Variants in FBN2 observed in about 807,000 individuals in gnomAD.
FBN2 encodes the protein fibrillin-2.
A neutral mutation model predicts 355.6 loss-of-function variants in FBN2; 105 were observed. The ratio of observed to expected loss-of-function variants is 0.30; its 90% CI spans 0.25 to 0.35. FBN2 has a LOEUF of 0.35. Ranked by LOEUF, FBN2 falls within the 10% of genes least tolerant of loss-of-function variation. The probability of loss-of-function intolerance (pLI) is 1.00; values close to 1 mark genes in which losing one functional copy is unlikely to be tolerated. For missense variants in FBN2, 3,280 were observed against 3,758.7 expected, an observed-to-expected ratio of 0.87 and a Z score of 3.33; for synonymous variants, 1,350 against 1,301.2, an observed-to-expected ratio of 1.04 and a Z score of -0.81.
chr5:128,310,218 C>G (rs1749995975), intron 39 of FBN2, 110 bp from the exon 40 acceptor site: 1 of 930,924 alleles, frequency 1.1e-6, no homozygotes, highest in Non-Finnish European at 1.7e-6. Context: ...CCCATTTATG[C>G]AAAACTTAGA....
chr5:128,379,214 A>G (rs555217752), intron 11 of FBN2, among the ~76,000 whole-genome samples: 1 of 152,266 alleles, frequency 6.6e-6, no homozygotes, highest in African/African-American at 2.4e-5. Flanking sequence ...TATTGCTTAC[A>G]CCAATGTGGG....
At position 128,336,624 on chromosome 5, in the gene FBN2, G is replaced by GGC. The variant is rs1750850493; in HGVS notation, c.3599-513_3599-512dup. On this transcript the variant is annotated intron_variant, in intron 27 of 64. Transcript: ENST00000262464. ...AAGACTGATGGTTCCACAAGACAGAGGCATGACAATAGGGCCCTCATGTAT... is the reference window on the plus strand; with the variant it reads ...AAGACTGATGGTTCCACAAGACAGAGGCGCATGACAATAGGGCCCTCATGTAT... Among the ~76,000 whole-genome samples the GGC allele has an allele frequency of 5.3e-5, 8 of 152,312 alleles. No homozygotes were observed. In the South Asian group the frequency reaches 1.7e-3, roughly 32 times the overall value.
rs1400177314 is a variant in FBN2, at chr5:128,333,063, A to G, written c.4100-29T>C. On this transcript the variant is annotated intron_variant, in intron 31 of 64. Transcript: ENST00000262464. ...ATAAACCATAATTCATAAGAAGAAA[A>G]TCAAAATACAAACTAATTAATTCTA... is the stretch of plus-strand genomic sequence containing the variant. 11 of 1,592,508 alleles carry G rather than the reference A, an allele frequency of 6.9e-6. No homozygotes were observed. The East Asian group carries it at 2.5e-4, about 36-fold the overall frequency.
At chr5:128,316,165 G>T (rs116481100) in intron 36 of FBN2, among the ~76,000 whole-genome samples, 1,963 of 152,204 alleles carry the variant, frequency 0.013, 43 homozygotes, top group African/African-American at 0.045. Context: ...GCAATCCTTA[G>T]GACAATATAA....
intron 56 of FBN2, 57 bp from the exon 57 acceptor site, chr5:128,278,898 G>A: frequency 7.1e-7 from 1 of 1,404,138 alleles, no homozygotes. Flanking sequence ...CATTATCCTG[G>A]CTTTCAAATT....
intron 23 of FBN2, 104 bp from the exon 24 acceptor site, chr5:128,345,688 C>G: frequency 9.7e-7 from 1 of 1,036,236 alleles, no homozygotes; most frequent in Non-Finnish European, 1.5e-6. Flanking sequence ...AGGACCCTTG[C>G]GGTGTACTGG....
intron 36 of FBN2, among the ~76,000 whole-genome samples, chr5:128,314,042 C>T (rs879500815): frequency 4.0e-5 from 6 of 151,868 alleles, no homozygotes; most frequent in Non-Finnish European, 7.4e-5. Flanking sequence ...CTATGGTCTA[C>T]TTTACCTTCT....
rs426987 is a variant in FBN2, at chr5:128,278,099, C to G, written c.7346-94G>C. ...AAGAGAAATGAAGAAATGGAGATGA[C>G]ATAACTAACTGCAAACATTCCTAAT... On this transcript the variant is annotated intron_variant, in intron 57 of 64. Coordinates refer to ENST00000262464, the MANE Select transcript of FBN2 (RefSeq NM_001999.4). The G allele has an allele frequency of 0.71, 907,169 of 1,284,980 alleles. 322,114 individuals are homozygous for G. The highest frequency in any genetic ancestry group is 0.87 in the East Asian group (37,337 of 42,892). The allele number at this position is 1,284,980 out of a possible 1,614,324, so 79.6% of individuals were successfully genotyped here.
rs565550310 is a variant in FBN2, at chr5:128,464,794, C to T, written c.756G>A (p.Glu252=). 35 of 1,614,192 alleles carry T rather than the reference C, an allele frequency of 2.2e-5. No homozygotes were observed. In the East Asian group the frequency reaches 7.4e-4, roughly 34 times the overall value. ...TIGRAWGHPC[E]MCPAQPQPCR... ...AGGGCTGAGGCTGGGCTGGACACATCTCACAGGGATGGCCCCACGCCCGTC... is the reference window on the plus strand; with the variant it reads ...AGGGCTGAGGCTGGGCTGGACACATTTCACAGGGATGGCCCCACGCCCGTC... The change falls in exon 6 of 65, where the codon GAG becomes GAA. Residue 252 remains glutamate (E), a synonymous_variant. Transcript: ENST00000262464.
chr5:128,443,887 G>A lies in FBN2; in HGVS notation c.952+2594C>T, dbSNP rs192035769. Reference sequence around the variant, plus strand: ...ATTGCTATAGTTATATTTTTATTTAGAGCAAACATTACATTTATGGCAAGA... The same window carrying A: ...ATTGCTATAGTTATATTTTTATTTAAAGCAAACATTACATTTATGGCAAGA... On this transcript the variant is annotated intron_variant, in intron 7 of 64. Transcript: ENST00000262464. 3.6e-4 allele frequency among the ~76,000 whole-genome samples: 55 copies of A among 151,966 alleles called. 1 individual carries two copies. Among genetic ancestry groups the A allele is most frequent in the African/African-American group, 1.3e-3 (54 of 41,460 alleles).
At position 128,277,906 on chromosome 5, in the gene FBN2, G is replaced by A. The variant is rs2126808771; in HGVS notation, c.7445C>T (p.Thr2482Ile). Residue 2482 changes from threonine (T) to isoleucine (I), a missense_variant, in exon 58 of 65, where the codon ACA becomes ATA. Physicochemically the swap from Thr to Ile is moderately conservative, Grantham distance 89. Around this residue, in one of 6 missense-constraint regions of FBN2, gnomAD observed 2,284 missense variants for 2,749.5 expected, o/e 0.83. Coordinates refer to ENST00000262464, the MANE Select transcript of FBN2 (RefSeq NM_001999.4). ...FRCFCKVGYT[T>I]DISGTSCIDL... is the part of the protein sequence containing the mutation. ...TATACAAGAGGTTCCACTGATGTCTGTGGTGTAGCCAACCTTGCAGAAGCA... is the reference window on the plus strand; with the variant it reads ...TATACAAGAGGTTCCACTGATGTCTATGGTGTAGCCAACCTTGCAGAAGCA... 6.2e-7 allele frequency: 1 copy of A among 1,614,146 alleles called. No individual in the cohort carries two copies. Among genetic ancestry groups the A allele is most frequent in the Non-Finnish European group, 8.5e-7 (1 of 1,180,000 alleles).
At chr5:128,319,431 C>T (rs1189342085) in intron 34 of FBN2, among the ~76,000 whole-genome samples, 2 of 55,682 alleles carry the variant, frequency 3.6e-5, no homozygotes, top group Non-Finnish European at 8.6e-5. Flanking sequence ...AAAACAAATA[C>T]ATAATCATTT....
chr5:128,448,408 GCGATT>G (rs1311007305), intron 6 of FBN2, among the ~76,000 whole-genome samples: 1 of 151,898 alleles, frequency 6.6e-6, no homozygotes, highest in Non-Finnish European at 1.5e-5. Flanking sequence ...CCAGGTTCAA[GCGATT>G]CTCCTGCCTC....
chr5:128,299,429 A>AACCTCGCTGCC (rs1749645710), intron 48 of FBN2, among the ~76,000 whole-genome samples: 1 of 38,406 alleles, frequency 2.6e-5, no homozygotes, highest in South Asian at 1.3e-3. Flanking sequence ...CCCCTCCCCC[A>AACCTCGCTGCC]GCCTCACAGT....
intron 5 of FBN2, among the ~76,000 whole-genome samples, chr5:128,497,910 C>T (rs1039856057): frequency 1.2e-4 from 19 of 152,240 alleles, no homozygotes; most frequent in African/African-American, 4.6e-4. Context: ...CAATTTAGAA[C>T]CCCTCATGCC....
At chr5:128,493,483 A>G (rs1755565567) in intron 5 of FBN2, among the ~76,000 whole-genome samples, 1 of 152,044 alleles carries the variant, frequency 6.6e-6, no homozygotes, top group Non-Finnish European at 1.5e-5. Flanking sequence ...TGCCATCAAA[A>G]CCTCACAACT....
At chr5:128,455,144 C>CA (rs1289844175) in intron 6 of FBN2, among the ~76,000 whole-genome samples, 6 of 151,708 alleles carry the variant, frequency 4.0e-5, no homozygotes, top group African/African-American at 9.7e-5. Flanking sequence ...AGACTAAAGA[C>CA]AAAAAAAGAA....
At chr5:128,515,650 T>C (rs1320789352) in intron 5 of FBN2, among the ~76,000 whole-genome samples, 1 of 152,204 alleles carries the variant, frequency 6.6e-6, no homozygotes, top group African/African-American at 2.4e-5. Context: ...CATAAAGGCT[T>C]GAAAGTTTAG....
chr5:128,260,068 C>A (rs1321819373), intron 64 of FBN2, among the ~76,000 whole-genome samples: 4 of 152,020 alleles, frequency 2.6e-5, no homozygotes, highest in Admixed American at 1.3e-4. Flanking sequence ...TCTCACTCAG[C>A]CTTAACAAGG....
Sources: gnomAD v4.1 joint callset for allele counts (sites outside exome capture counted in the v4.1 genomes callset) on GRCh38, gnomAD v4.1.1 for gene constraint, gnomAD v4.1.1 regional missense constraint, MANE v1.5 for transcripts, NCBI Gene and HGNC (gene_info 2026-07-23, HGNC 2026-07-21) for gene names.